The following PEX5L variants were observed in gnomAD, a reference collection of about 807,000 sequenced individuals.
PEX5L encodes the protein peroxisomal biogenesis factor 5 like, also known as PEX5-related protein.
Under a neutral mutation model 84.0 loss-of-function variants are expected in PEX5L, and 30 were observed. That is an observed-to-expected ratio of 0.36 (90% CI 0.27 to 0.48). The LOEUF (loss-of-function observed/expected upper bound fraction) is 0.48, where lower values mean the gene tolerates loss of function less well. Ranked by LOEUF, PEX5L falls within the 20% of genes least tolerant of loss-of-function variation. The pLI, the probability that PEX5L is intolerant of heterozygous loss-of-function variation, is 0.99. For missense variants in PEX5L, 533 were observed against 754.6 expected, an observed-to-expected ratio of 0.71 and a Z score of 3.44; for synonymous variants, 270 against 283.1, an observed-to-expected ratio of 0.95 and a Z score of 0.46.
chr3:179,826,480 T>C (rs914099147), intron 8 of PEX5L, among the ~76,000 whole-genome samples: 1 of 152,198 alleles, frequency 6.6e-6, no homozygotes, highest in Non-Finnish European at 1.5e-5. Context: ...CAATGGAATA[T>C]GCTGAAGCTT....
In PEX5L at chr3:179,839,191, T is replaced by C. The variant is rs1277201364; in HGVS notation, c.823-19215A>G. Among the ~76,000 whole-genome samples, 3 of 152,168 alleles carry C rather than the reference T, an allele frequency of 2.0e-5. No individual in the cohort carries two copies. In the South Asian group the frequency reaches 6.2e-4, roughly 31 times the overall value. On this transcript the variant is annotated intron_variant, in intron 8 of 14. Transcript: ENST00000467460. Reference sequence around the variant, plus strand: ...AAAAATTCCAGTTCCAAGAAGATGATTGAAATCTGTTTACAAAATTAGGTG... The same window carrying C: ...AAAAATTCCAGTTCCAAGAAGATGACTGAAATCTGTTTACAAAATTAGGTG...
rs373858229 is a variant in PEX5L, at chr3:179,898,249, A to G, written c.94-3T>C. The G allele has an allele frequency of 5.6e-6, 9 of 1,593,978 alleles. No homozygotes were observed. Among genetic ancestry groups the G allele is most frequent in the Admixed American group, 5.0e-5 (3 of 59,914 alleles). On this transcript the variant is annotated splice_polypyrimidine_tract_variant and splice_region_variant and intron_variant, in intron 2 of 14. Coordinates refer to ENST00000467460, the MANE Select transcript of PEX5L (RefSeq NM_016559.3). ...TCTGCCGCCCTAGAGCCTTTTCCCT[A>G]TAACAGTGAAATCAACAATGACTGT...
intron 2 of PEX5L, among the ~76,000 whole-genome samples, chr3:179,971,309 GT>G (rs1784680880): frequency 6.6e-6 from 1 of 151,994 alleles, no homozygotes; most frequent in South Asian, 2.1e-4. Flanking sequence ...TATCATTGGT[GT>G]TTTGACTCAT....
intron 1 of PEX5L, among the ~76,000 whole-genome samples, chr3:179,992,075 T>C (rs1787431307): frequency 6.6e-6 from 1 of 152,184 alleles, no homozygotes; most frequent in South Asian, 2.1e-4. Context: ...CTGTGAGTCA[T>C]AGGCATGAAT....
intron 8 of PEX5L, among the ~76,000 whole-genome samples, chr3:179,834,094 C>A (rs1214962608): frequency 6.6e-6 from 1 of 152,210 alleles, no homozygotes; most frequent in Non-Finnish European, 1.5e-5. Context: ...CTCTCCTTGG[C>A]TTCCCAAAGT....
rs1352465785 is a variant in PEX5L, at chr3:179,998,244, C to G, written c.22-26579G>C. ...AGAAAGAGGCACAATGCTTAGTGGG[C>G]CTATCTGGATTTTGGAGGCAACACA... On this transcript the variant is annotated intron_variant, in intron 1 of 14. Coordinates refer to ENST00000467460, the MANE Select transcript of PEX5L (RefSeq NM_016559.3). Among the ~76,000 whole-genome samples, 4 of 152,166 alleles carry G rather than the reference C, an allele frequency of 2.6e-5. 1 individual carries two copies. The highest frequency in any genetic ancestry group is 9.7e-5 in the African/African-American group (4 of 41,442).
At chr3:180,032,780 G>A (rs1791575443) in intron 1 of PEX5L, among the ~76,000 whole-genome samples, 1 of 152,138 alleles carries the variant, frequency 6.6e-6, no homozygotes, top group South Asian at 2.1e-4. Context: ...CTTGAGCCAG[G>A]GAGGCATAGC....
chr3:179,933,948 TGG>T (rs147501412), intron 2 of PEX5L, among the ~76,000 whole-genome samples: 2,436 of 152,338 alleles, frequency 0.016, 72 homozygotes, highest in African/African-American at 0.056. Flanking sequence ...ACATGCCTGA[TGG>T]CAGAACACTT....
In PEX5L at chr3:180,034,405, A is replaced by G. The variant is rs546791383; in HGVS notation, c.21+2174T>C. ...GAGTGTTTGGAATGTGTTTCTTCTT[A>G]TCTGTGATTAGAGTCAGGTACACAC... is the stretch of plus-strand genomic sequence containing the variant. On this transcript the variant is annotated intron_variant, in intron 1 of 14. Coordinates refer to ENST00000467460, the MANE Select transcript of PEX5L (RefSeq NM_016559.3). Among the ~76,000 whole-genome samples, 13 of 151,418 alleles carry G rather than the reference A, an allele frequency of 8.6e-5. No individual in the cohort carries two copies. In the East Asian group the frequency reaches 1.5e-3, roughly 18 times the overall value.
intron 2 of PEX5L, among the ~76,000 whole-genome samples, chr3:179,927,928 CA>C (rs575019559): frequency 3.9e-5 from 6 of 152,118 alleles, no homozygotes; most frequent in Non-Finnish European, 8.8e-5. Context: ...ATTATCATTT[CA>C]ATATGTGATC....
intron 9 of PEX5L, among the ~76,000 whole-genome samples, chr3:179,819,272 C>T (rs1727530887): frequency 6.6e-6 from 1 of 152,118 alleles, no homozygotes; most frequent in Admixed American, 6.5e-5. Context: ...GCAACTGGGA[C>T]TTCATGAGTG....
intron 12 of PEX5L, 89 bp downstream of exon 12, chr3:179,809,382 C>G: frequency 1.1e-6 from 1 of 930,426 alleles, no homozygotes; most frequent in Non-Finnish European, 1.8e-6. Context: ...TGGGTGGTGT[C>G]TAGGGTGTGA....
chr3:179,906,808 A>T (rs1049492717), intron 2 of PEX5L, among the ~76,000 whole-genome samples: 3 of 152,220 alleles, frequency 2.0e-5, no homozygotes, highest in African/African-American at 7.2e-5. Context: ...CTCCCCAAAT[A>T]TAAGAACTCT....
chr3:179,847,255 G>C (rs1046025062), intron 8 of PEX5L, among the ~76,000 whole-genome samples: 1 of 151,818 alleles, frequency 6.6e-6, no homozygotes, highest in African/African-American at 2.4e-5. Context: ...TTGATATATA[G>C]ATAACTGTAT....
At chr3:179,869,082 A>T (rs1016473523) in intron 7 of PEX5L, among the ~76,000 whole-genome samples, 1 of 152,198 alleles carries the variant, frequency 6.6e-6, no homozygotes, top group African/African-American at 2.4e-5. Flanking sequence ...GAATGGAAGC[A>T]TTTGCTGTGC....
chr3:179,939,427 T>C (rs1775458072), intron 2 of PEX5L, among the ~76,000 whole-genome samples: 1 of 152,168 alleles, frequency 6.6e-6, no homozygotes, highest in Admixed American at 6.5e-5. Context: ...TATTGATGGA[T>C]ATTCTTGAAG....
At position 179,796,672 on chromosome 3, in the gene PEX5L, G is replaced by A. The variant is rs997987440; in HGVS notation, c.*5156C>T. ...GCTGTTACTAATGTAAGACCACATG[G>A]TCTCACTGAGCTTTGCTCTCTCCCT... is the stretch of plus-strand genomic sequence containing the variant. On this transcript the variant is annotated 3_prime_UTR_variant, in exon 15 of 15. Transcript: ENST00000467460. 2.6e-5 allele frequency: 4 copies of A among 152,144 alleles called. No homozygotes were observed. Among genetic ancestry groups the A allele is most frequent in the South Asian group, 2.1e-4 (1 of 4,818 alleles). The allele number at this position is 152,144 out of a possible 1,614,324, so 9.4% of individuals were successfully genotyped here.
chr3:179,923,387 A>G (rs1466914902), intron 2 of PEX5L, among the ~76,000 whole-genome samples: 2 of 151,926 alleles, frequency 1.3e-5, no homozygotes, highest in Non-Finnish European at 2.9e-5. Flanking sequence ...GATTGGGTTC[A>G]AGTTCCTCCA....
At position 179,893,162 on chromosome 3, in the gene PEX5L, G is replaced by C. The variant is rs112752064; in HGVS notation, c.198+4980C>G. On this transcript the variant is annotated intron_variant, in intron 3 of 14. Coordinates refer to ENST00000467460, the MANE Select transcript of PEX5L (RefSeq NM_016559.3). ...TTTCACTTGAATTATGACTTACTCA[G>C]ACTGGCCAGCTGATGTAATTAATAT... Among the ~76,000 whole-genome samples the C allele has an allele frequency of 3.9e-4, 60 of 152,186 alleles. 1 individual carries two copies. Among genetic ancestry groups the C allele is most frequent in the African/African-American group, 1.3e-3 (55 of 41,522 alleles).
Sources: allele counts gnomAD v4.1 joint callset (sites outside exome capture counted in the v4.1 genomes callset), GRCh38; gene constraint gnomAD v4.1.1; transcripts MANE v1.5; gene names NCBI Gene and HGNC (gene_info 2026-07-23, HGNC 2026-07-21).